The following CRPPA variants were observed in gnomAD, a reference collection of about 807,000 sequenced individuals.
CRPPA encodes the protein D-ribitol-5-phosphate cytidylyltransferase.
A neutral mutation model predicts 52.0 loss-of-function variants in CRPPA; 43 were observed. The observed-to-expected ratio is 0.83, with a 90% CI of 0.65 to 1.07. The LOEUF (loss-of-function observed/expected upper bound fraction) is 1.07, where lower values mean the gene tolerates loss of function less well. Among genes scored for constraint, CRPPA ranks in the 50% least tolerant of loss-of-function variants. The pLI, the probability that CRPPA is intolerant of heterozygous loss-of-function variation, is 0.00. For missense variants in CRPPA, 629 were observed against 551.7 expected, an observed-to-expected ratio of 1.14 and a Z score of -1.40; for synonymous variants, 250 against 203.5, an observed-to-expected ratio of 1.23 and a Z score of -1.94.
At chr7:16,302,569 C>T (rs1212050237) in intron 4 of CRPPA, among the ~76,000 whole-genome samples, 1 of 152,110 alleles carries the variant, frequency 6.6e-6, no homozygotes, top group African/African-American at 2.4e-5. Flanking sequence ...ATTTATGATG[C>T]AAGTGTTCTA....
At chr7:16,326,950 T>C (rs1583521735) in intron 3 of CRPPA, among the ~76,000 whole-genome samples, 1 of 152,194 alleles carries the variant, frequency 6.6e-6, no homozygotes, top group Admixed American at 6.5e-5. Context: ...TTTCTGGCTG[T>C]CCTGATGCAA....
At position 16,243,222 on chromosome 7, in the gene CRPPA, C is replaced by T. The variant is rs758492710; in HGVS notation, c.1119+15168G>A. Among the ~76,000 whole-genome samples, 84 of 152,148 alleles carry T rather than the reference C, an allele frequency of 5.5e-4. 1 individual carries two copies. Among genetic ancestry groups the T allele is most frequent in the Non-Finnish European group, 9.6e-4 (65 of 68,036 alleles). On this transcript the variant is annotated intron_variant, in intron 8 of 9. Coordinates refer to ENST00000407010, the MANE Select transcript of CRPPA (RefSeq NM_001101426.4). Reference sequence around the variant, plus strand: ...TCCTTCATTCTTCTCTCACCTGTCGCCTTTTGAAGAAGGTGCCTGCTTCTC... The same window carrying T: ...TCCTTCATTCTTCTCTCACCTGTCGTCTTTTGAAGAAGGTGCCTGCTTCTC...
At chr7:16,212,380 A>T (rs2128396768) in intron 9 of CRPPA, among the ~76,000 whole-genome samples, 1 of 152,338 alleles carries the variant, frequency 6.6e-6, no homozygotes, top group East Asian at 1.9e-4. Context: ...ATGGGCTAAA[A>T]CGATACACAC....
chr7:16,259,130 T>A lies in CRPPA; in HGVS notation c.934-118A>T, dbSNP rs935544667. 2.3e-5 allele frequency: 11 copies of A among 488,056 alleles called. 1 individual carries two copies. Among genetic ancestry groups the A allele is most frequent in the South Asian group, 1.8e-4 (6 of 32,734 alleles). The allele number at this position is 488,056 out of a possible 1,614,324, so 30.2% of individuals were successfully genotyped here. A position where few individuals can be genotyped will look rare whatever the true frequency, so the allele number is the denominator to read the frequency against. ...ATAAAGCCAAGGACCATATATTTTT[T>A]AAAAAAATGAAACATGCTGAAGTTC... On this transcript the variant is annotated intron_variant, in intron 6 of 9. Transcript: ENST00000407010.
intron 1 of CRPPA, among the ~76,000 whole-genome samples, chr7:16,420,829 C>T (rs1788312966): frequency 6.6e-6 from 1 of 152,140 alleles, no homozygotes; most frequent in African/African-American, 2.4e-5. Flanking sequence ...TTCCCCACAA[C>T]CTCATCTGCT....
chr7:16,196,554 C>A (rs1781739820), intron 9 of CRPPA, among the ~76,000 whole-genome samples: 1 of 152,130 alleles, frequency 6.6e-6, no homozygotes, highest in Non-Finnish European at 1.5e-5. Context: ...AAAGTGCATT[C>A]AAGAGAAATG....
At chr7:16,387,090 CACAT>C (rs1173347314) in intron 2 of CRPPA, among the ~76,000 whole-genome samples, 19 of 43,152 alleles carry the variant, frequency 4.4e-4, no homozygotes, top group African/African-American at 1.6e-3. Flanking sequence ...TATATATACA[CACAT>C]ATATATATGT....
chr7:16,324,855 T>C (rs111514050), intron 3 of CRPPA, among the ~76,000 whole-genome samples: 78 of 152,344 alleles, frequency 5.1e-4, no homozygotes, highest in African/African-American at 1.8e-3. Context: ...AATGAGATAA[T>C]GTACTTGTAA....
intron 3 of CRPPA, among the ~76,000 whole-genome samples, chr7:16,329,416 A>G (rs1389813119): frequency 2.6e-5 from 4 of 152,202 alleles, no homozygotes; most frequent in Non-Finnish European, 4.4e-5. Flanking sequence ...GCCACAAAAT[A>G]TATTCCCCTC....
chr7:16,175,711 CTT>C, intron 9 of CRPPA, among the ~76,000 whole-genome samples: 1 of 152,088 alleles, frequency 6.6e-6, no homozygotes, highest in Admixed American at 6.6e-5. Flanking sequence ...AAAACAATGT[CTT>C]AATAATTATG....
intron 5 of CRPPA, among the ~76,000 whole-genome samples, chr7:16,298,482 C>T (rs1784719251): frequency 1.3e-5 from 2 of 152,158 alleles, no homozygotes; most frequent in Admixed American, 6.5e-5. Context: ...AATACAACAT[C>T]AAGTTCTTGA....
At chr7:16,360,156 T>C (rs1311999188) in intron 3 of CRPPA, among the ~76,000 whole-genome samples, 1 of 152,236 alleles carries the variant, frequency 6.6e-6, no homozygotes, top group Non-Finnish European at 1.5e-5. Context: ...TAAAAGTATT[T>C]TTTAGAAAGT....
At chr7:16,223,243 A>G (rs2128400809) in intron 8 of CRPPA, among the ~76,000 whole-genome samples, 1 of 152,316 alleles carries the variant, frequency 6.6e-6, no homozygotes, top group East Asian at 1.9e-4. Context: ...GTCTCAACAT[A>G]CTATTTAACT....
At chr7:16,352,879 GCACACA>G (rs56733439) in intron 3 of CRPPA, among the ~76,000 whole-genome samples, 28,409 of 141,698 alleles carry the variant, frequency 0.2, 2,871 homozygotes, top group Non-Finnish European at 0.24. Flanking sequence ...AAGTAACATG[GCACACA>G]CACACACACA....
At chr7:16,226,783 T>C (rs1053652574) in intron 8 of CRPPA, among the ~76,000 whole-genome samples, 1 of 151,926 alleles carries the variant, frequency 6.6e-6, no homozygotes, top group African/African-American at 2.4e-5. Flanking sequence ...AATATACATA[T>C]GTATGGCCTC....
At chr7:16,356,392 T>A (rs1046993900) in intron 3 of CRPPA, among the ~76,000 whole-genome samples, 2 of 152,184 alleles carry the variant, frequency 1.3e-5, no homozygotes, top group African/African-American at 4.8e-5. Context: ...CTGTGGTGTA[T>A]TAAAGATAGC....
chr7:16,202,073 A>G (rs1369715492), intron 9 of CRPPA, among the ~76,000 whole-genome samples: 1 of 152,188 alleles, frequency 6.6e-6, no homozygotes, highest in East Asian at 1.9e-4. Flanking sequence ...GCTGAATTTA[A>G]TCACATCTCC....
intron 8 of CRPPA, among the ~76,000 whole-genome samples, chr7:16,232,205 T>C (rs1450307202): frequency 6.6e-6 from 1 of 152,166 alleles, no homozygotes; most frequent in Non-Finnish European, 1.5e-5. Context: ...CCATGAGCCA[T>C]ACTAGAAAAC....
chr7:16,180,700 T>A (rs1262719469), intron 9 of CRPPA, among the ~76,000 whole-genome samples: 1 of 152,108 alleles, frequency 6.6e-6, no homozygotes, highest in African/African-American at 2.4e-5. Context: ...AGTCAGCTTT[T>A]TGTCAAGAAA....
Sources: allele counts gnomAD v4.1 joint callset (sites outside exome capture counted in the v4.1 genomes callset), GRCh38; gene constraint gnomAD v4.1.1; transcripts MANE v1.5; gene names NCBI Gene and HGNC (gene_info 2026-07-23, HGNC 2026-07-21).